The following TNR variants were observed in gnomAD, a reference collection of about 807,000 sequenced individuals.
The protein encoded by TNR is tenascin-R.
TNR carries 45 observed loss-of-function variants against 150.4 expected under a neutral mutation model. That is an observed-to-expected ratio of 0.30 (90% CI 0.24 to 0.38). The LOEUF (loss-of-function observed/expected upper bound fraction) is 0.38. Ranked by LOEUF, TNR falls within the 10% of genes least tolerant of loss-of-function variation. The pLI is 1.00. For missense variants in TNR, 1,544 were observed against 1,759.1 expected (o/e 0.88, Z 2.19); for synonymous variants, 687 against 678.4 (o/e 1.01, Z -0.20).
chr1:175,675,160 C>A (rs1049034090), intron 1 of TNR, among the ~76,000 whole-genome samples: 3 of 152,228 alleles, frequency 2.0e-5, no homozygotes, highest in African/African-American at 7.2e-5. Context: ...CAGACAAGGA[C>A]CTCTCTTAGC....
intron 2 of TNR, among the ~76,000 whole-genome samples, chr1:175,510,464 C>G (rs757656457): frequency 6.6e-6 from 1 of 152,108 alleles, no homozygotes; most frequent in Non-Finnish European, 1.5e-5. Flanking sequence ...TATCCCGTGT[C>G]CCCCATGGCC....
intron 1 of TNR, among the ~76,000 whole-genome samples, chr1:175,729,113 C>T (rs891047786): frequency 2.0e-5 from 3 of 152,146 alleles, no homozygotes; most frequent in African/African-American, 7.2e-5. Flanking sequence ...CTATGTGTGG[C>T]TATTTTTTAT....
chr1:175,479,640 C>A (rs1447514230), intron 2 of TNR, among the ~76,000 whole-genome samples: 1 of 152,156 alleles, frequency 6.6e-6, no homozygotes, highest in East Asian at 1.9e-4. Flanking sequence ...ATCGGCCCCA[C>A]GTACTGCCTT....
At chr1:175,630,138 A>T (rs763481744) in intron 1 of TNR, among the ~76,000 whole-genome samples, 2 of 152,174 alleles carry the variant, frequency 1.3e-5, no homozygotes, top group Non-Finnish European at 2.9e-5. Context: ...TGCAGGTGGA[A>T]GACTCCAGGG....
At chr1:175,519,039 A>T (rs1319548245) in intron 2 of TNR, among the ~76,000 whole-genome samples, 1 of 152,184 alleles carries the variant, frequency 6.6e-6, no homozygotes, top group Non-Finnish European at 1.5e-5. Flanking sequence ...TGTTAACTAC[A>T]AAATTCTGCC....
At chr1:175,582,677 G>A (rs1285787820) in intron 1 of TNR, among the ~76,000 whole-genome samples, 1 of 152,172 alleles carries the variant, frequency 6.6e-6, no homozygotes, top group Non-Finnish European at 1.5e-5. Flanking sequence ...CCTGGACCCA[G>A]AGGACCACAC....
At chr1:175,352,579 C>A (rs980302047) in intron 18 of TNR, among the ~76,000 whole-genome samples, 1 of 152,138 alleles carries the variant, frequency 6.6e-6, no homozygotes, top group East Asian at 1.9e-4. Flanking sequence ...GATCAGACAC[C>A]TTTGCAAGAG....
At chr1:175,482,108 T>C (rs1657835500) in intron 2 of TNR, among the ~76,000 whole-genome samples, 1 of 152,208 alleles carries the variant, frequency 6.6e-6, no homozygotes, top group African/African-American at 2.4e-5. Context: ...CAGTTTTCTT[T>C]TATCTTTAGG....
intron 2 of TNR, among the ~76,000 whole-genome samples, chr1:175,441,605 G>T (rs909604735): frequency 6.6e-6 from 1 of 152,148 alleles, no homozygotes; most frequent in South Asian, 2.1e-4. Flanking sequence ...ATTGTGGGAA[G>T]TCAGGTCCAT....
intron 1 of TNR, among the ~76,000 whole-genome samples, chr1:175,685,157 G>A (rs1172201405): frequency 6.6e-6 from 1 of 151,992 alleles, no homozygotes; most frequent in Non-Finnish European, 1.5e-5. Context: ...TCCTCACTTT[G>A]TTCTCTCTGA....
intron 9 of TNR, among the ~76,000 whole-genome samples, chr1:175,378,558 G>A (rs942338679): frequency 3.9e-5 from 6 of 152,244 alleles, no homozygotes; most frequent in African/African-American, 1.4e-4. Flanking sequence ...GACCACTAAA[G>A]CTCCCTAAAG....
At chr1:175,429,608 A>T (rs533628473) in intron 2 of TNR, among the ~76,000 whole-genome samples, 171 of 152,320 alleles carry the variant, frequency 1.1e-3, no homozygotes, top group African/African-American at 3.8e-3. Context: ...TGAATGTAAA[A>T]CCAAAGGGCC....
At chr1:175,715,557 C>CTCAG (rs2101939714) in intron 1 of TNR, among the ~76,000 whole-genome samples, 1 of 152,292 alleles carries the variant, frequency 6.6e-6, no homozygotes, top group East Asian at 1.9e-4. Flanking sequence ...TCCTGCCCTC[C>CTCAG]TCAGCTCTTG....
intron 1 of TNR, among the ~76,000 whole-genome samples, chr1:175,650,521 G>A (rs916290517): frequency 6.6e-6 from 1 of 151,784 alleles, no homozygotes; most frequent in Non-Finnish European, 1.5e-5. Context: ...AACTAGAGAA[G>A]TCTAATTGGT....
chr1:175,497,394 C>T (rs1350071423), intron 2 of TNR, among the ~76,000 whole-genome samples: 1 of 152,168 alleles, frequency 6.6e-6, no homozygotes, highest in African/African-American at 2.4e-5. Flanking sequence ...TTAACTAGTT[C>T]AAATAATCTG....
intron 1 of TNR, among the ~76,000 whole-genome samples, chr1:175,624,803 C>G (rs1236433107): frequency 1.3e-5 from 2 of 152,140 alleles, no homozygotes; most frequent in African/African-American, 4.8e-5. Flanking sequence ...TGGACAGCCA[C>G]CAAGAGGCAG....
At chr1:175,457,387 C>T (rs558776917) in intron 2 of TNR, among the ~76,000 whole-genome samples, 1 of 152,346 alleles carries the variant, frequency 6.6e-6, no homozygotes, top group South Asian at 2.1e-4. Flanking sequence ...CATCAGGCCA[C>T]ATGCAGGCAG....
chr1:175,388,341 G>A (rs904698612), intron 7 of TNR, among the ~76,000 whole-genome samples: 1 of 152,016 alleles, frequency 6.6e-6, no homozygotes, highest in Non-Finnish European at 1.5e-5. Context: ...CAGAAAACCC[G>A]AATCATAATG....
At position 175,365,158 on chromosome 1, in the gene TNR, C is replaced by T. The variant is rs1651774762; in HGVS notation, c.2439G>A (p.Glu813=). 1 of 1,614,142 alleles carries T rather than the reference C, an allele frequency of 6.2e-7. No homozygotes were observed. Among genetic ancestry groups the T allele is most frequent in the Non-Finnish European group, 8.5e-7 (1 of 1,179,998 alleles). Residue 813 remains glutamate (E), a synonymous_variant, in exon 12 of 23, where the codon GAG becomes GAA. Coordinates refer to ENST00000367674, the MANE Select transcript of TNR (RefSeq NM_003285.3). The part of the protein sequence containing the change: ...RLILNYSPRD[E]EEEMMEVSLD... ...GGGAGACCTCCATCATCTCTTCCTC[C>T]TCATCCCTGGGGCTGTAGTTAAGAA...
Sources: allele counts gnomAD v4.1 joint callset (sites outside exome capture counted in the v4.1 genomes callset), GRCh38; gene constraint gnomAD v4.1.1; transcripts MANE v1.5; gene names NCBI Gene and HGNC (gene_info 2026-07-23, HGNC 2026-07-21).